Variants in HIRA observed in about 807,000 individuals in gnomAD.
HIRA encodes the protein protein HIRA.
Under a neutral mutation model 126.6 loss-of-function variants are expected in HIRA, and 13 were observed. That is an observed-to-expected ratio of 0.10 (90% CI 0.07 to 0.16). The LOEUF (loss-of-function observed/expected upper bound fraction) is 0.16. Ranked by LOEUF, HIRA falls within the 10% of genes least tolerant of loss-of-function variation. The pLI is 1.00. For missense variants in HIRA, 834 were observed against 1,314.4 expected (o/e 0.63, Z 5.65); for synonymous variants, 511 against 520.0 (o/e 0.98, Z 0.24).
chr22:19,338,247 G>A (rs1428819845), intron 24 of HIRA, among the ~76,000 whole-genome samples: 1 of 152,124 alleles, frequency 6.6e-6, no homozygotes, highest in African/African-American at 2.4e-5. Flanking sequence ...GAGGCATAAA[G>A]TCTTTTTCAG....
intron 9 of HIRA, among the ~76,000 whole-genome samples, chr22:19,390,222 C>T (rs998875181): frequency 3.3e-5 from 5 of 152,102 alleles, no homozygotes. Flanking sequence ...CACTCGCCAA[C>T]TACCATTGAG....
chr22:19,431,355 G>A (rs985413379), intron 1 of HIRA, 85 bp downstream of exon 1: 18 of 1,457,882 alleles, frequency 1.2e-5, no homozygotes, highest in Admixed American at 8.4e-5. Flanking sequence ...GGGCGAGACA[G>A]GCAGGACTTG....
At chr22:19,392,778 C>A (rs1184543226) in intron 8 of HIRA, among the ~76,000 whole-genome samples, 1 of 152,166 alleles carries the variant, frequency 6.6e-6, no homozygotes, top group Non-Finnish European at 1.5e-5. Context: ...GTGACCATGG[C>A]AATATCACAC....
chr22:19,378,111 C>T, intron 13 of HIRA, 45 bp from the exon 14 acceptor site: 1 of 1,434,914 alleles, frequency 7.0e-7, no homozygotes, highest in Non-Finnish European at 9.4e-7. Context: ...AGTCAGGTGC[C>T]ACATCCAGTA....
chr22:19,401,883 C>A (rs529183683), intron 5 of HIRA, among the ~76,000 whole-genome samples: 6 of 152,164 alleles, frequency 3.9e-5, no homozygotes, highest in Non-Finnish European at 8.8e-5. Context: ...AACTCCTCTG[C>A]CTAGATCCCT....
chr22:19,363,528 A>T (rs1312310392), intron 15 of HIRA, among the ~76,000 whole-genome samples: 2 of 152,218 alleles, frequency 1.3e-5, no homozygotes, highest in Non-Finnish European at 2.9e-5. Context: ...AACCATGGAG[A>T]CAATAAAAAG....
chr22:19,389,264 C>T (rs1431779611), intron 9 of HIRA, among the ~76,000 whole-genome samples: 1 of 152,104 alleles, frequency 6.6e-6, no homozygotes, highest in African/African-American at 2.4e-5. Context: ...GCATAGCATG[C>T]ACTGTGCATA....
At chr22:19,401,117 G>C (rs1276593057) in intron 5 of HIRA, among the ~76,000 whole-genome samples, 1 of 151,844 alleles carries the variant, frequency 6.6e-6, no homozygotes, top group Non-Finnish European at 1.5e-5. Context: ...AGTGTTTTTT[G>C]AGTACTCTCC....
intron 1 of HIRA, among the ~76,000 whole-genome samples, chr22:19,411,997 A>G (rs780549170): frequency 1.3e-5 from 2 of 152,278 alleles, no homozygotes; most frequent in Non-Finnish European, 2.9e-5. Flanking sequence ...TGAACTTGAG[A>G]TAAAATACAC....
intron 11 of HIRA, 21 bp from the exon 12 acceptor site, chr22:19,385,757 A>T: frequency 1.2e-6 from 2 of 1,604,870 alleles, no homozygotes; most frequent in Non-Finnish European, 1.7e-6. Flanking sequence ...AAGGAGAGGC[A>T]TGACATGCCA....
intron 19 of HIRA, 143 bp downstream of exon 19, chr22:19,356,747 A>G (rs1200841097): frequency 1.3e-6 from 1 of 780,324 alleles, no homozygotes; most frequent in Non-Finnish European, 2.0e-6. Context: ...AACACAAGCA[A>G]TATCACTAAC....
intron 20 of HIRA, 133 bp downstream of exon 20, chr22:19,356,097 T>C (rs1556012475): frequency 2.3e-6 from 2 of 854,614 alleles, no homozygotes; most frequent in East Asian, 5.1e-5. Context: ...TCCTGCAGCG[T>C]AACCACACCT....
chr22:19,410,804 GTA>G, intron 1 of HIRA, 26 bp from the exon 2 acceptor site: 1 of 1,595,832 alleles, frequency 6.3e-7, no homozygotes, highest in Non-Finnish European at 8.6e-7. Context: ...AAAAAATACA[GTA>G]TCTAAATTGG....
At chr22:19,372,608 T>C (rs1487242395) in intron 15 of HIRA, among the ~76,000 whole-genome samples, 2 of 151,694 alleles carry the variant, frequency 1.3e-5, no homozygotes, top group Non-Finnish European at 2.9e-5. Context: ...GTTTTGCTCT[T>C]TTGCCCAGGC....
intron 15 of HIRA, among the ~76,000 whole-genome samples, chr22:19,364,218 A>C (rs540448226): frequency 6.6e-6 from 1 of 152,192 alleles, no homozygotes; most frequent in Non-Finnish European, 1.5e-5. Flanking sequence ...AATCAAAAAA[A>C]GGTGGTGTAG....
At chr22:19,415,102 T>C (rs1158565088) in intron 1 of HIRA, among the ~76,000 whole-genome samples, 1 of 152,144 alleles carries the variant, frequency 6.6e-6, no homozygotes, top group Non-Finnish European at 1.5e-5. Flanking sequence ...TGTGCCACCA[T>C]GCCTGGCTAA....
intron 9 of HIRA, among the ~76,000 whole-genome samples, chr22:19,391,483 CTT>C (rs574374874): frequency 0.045 from 6,236 of 137,684 alleles, 400 homozygotes; most frequent in African/African-American, 0.16. Context: ...TTTTCTTTTT[CTT>C]TTTTTTTTTT....
At position 19,359,422 on chromosome 22, in the gene HIRA, C is replaced by T. The variant is rs1463769477; in HGVS notation, c.2148G>A (p.Val716=). The part of the protein sequence containing the change: ...VENEVTVVGG[V]KLSRLKCNRE... ...GGTTGCACTTCAGGCGGCTCAGCTT[C>T]ACGCCCCCCACCACTGTCACTTCAT... Residue 716 remains valine (V), a synonymous_variant, in exon 18 of 25, where the codon GTG becomes GTA. Coordinates refer to ENST00000263208, the MANE Select transcript of HIRA (RefSeq NM_003325.4). 1 of 1,610,444 alleles carries T rather than the reference C, an allele frequency of 6.2e-7. No individual in the cohort carries two copies. Among genetic ancestry groups the T allele is most frequent in the Non-Finnish European group, 8.5e-7 (1 of 1,178,614 alleles).
In HIRA at chr22:19,396,862, A is replaced by G; in HGVS notation, c.579T>C (p.Ala193=). 6.2e-7 allele frequency: 1 copy of G among 1,614,212 alleles called. No individual in the cohort carries two copies. Among genetic ancestry groups the G allele is most frequent in the Non-Finnish European group, 8.5e-7 (1 of 1,180,026 alleles). Residue 193 remains alanine, a synonymous_variant, in exon 7 of 25, where the codon GCT becomes GCC. Transcript: ENST00000263208. ...TCCACACCTTTAGGCTGCGGTCATC[A>G]GCTTGAGAAGCTATGTATTTACCAA... The part of the protein sequence containing the change: ...DPVGKYIASQ[A]DDRSLKVWRT...
Sources: allele counts gnomAD v4.1 joint callset (sites outside exome capture counted in the v4.1 genomes callset), GRCh38; gene constraint gnomAD v4.1.1; transcripts MANE v1.5; gene names NCBI Gene and HGNC (gene_info 2026-07-23, HGNC 2026-07-21).